Variants in TTC19 observed in about 807,000 individuals in gnomAD.
The protein encoded by TTC19 is tetratricopeptide repeat domain 19.
Under a neutral mutation model 49.5 loss-of-function variants are expected in TTC19, and 38 were observed. That is an observed-to-expected ratio of 0.77 (90% CI 0.59 to 1.01). The LOEUF is 1.01. Ranked by LOEUF, TTC19 falls within the 50% of genes least tolerant of loss-of-function variation. The pLI, the probability that TTC19 is intolerant of heterozygous loss-of-function variation, is 0.00. For missense variants in TTC19, 475 were observed against 477.7 expected (o/e 0.99, Z 0.05); for synonymous variants, 204 against 185.2 (o/e 1.10, Z -0.83).
At chr17:16,038,625 C>T (rs2056925098) in intron 2 of TTC19, among the ~76,000 whole-genome samples, 1 of 151,908 alleles carries the variant, frequency 6.6e-6, no homozygotes, top group African/African-American at 2.4e-5. Flanking sequence ...TTTGTAGAGA[C>T]GGGGTTTTCA....
At chr17:16,004,288 A>G (rs781575925) in intron 6 of TTC19, 26 bp downstream of exon 6, 9 of 1,608,090 alleles carry the variant, frequency 5.6e-6, no homozygotes, top group African/African-American at 5.3e-5. Context: ...AGGGAGTAGG[A>G]CTGTGGGCAG....
intron 7 of TTC19, among the ~76,000 whole-genome samples, chr17:16,018,367 T>TA (rs1028642484): frequency 3.3e-5 from 5 of 152,198 alleles, no homozygotes; most frequent in African/African-American, 1.2e-4. Context: ...CATTTACCTG[T>TA]ATGTTGACCT....
At position 16,002,862 on chromosome 17, in the gene TTC19, T is replaced by G. The variant is rs747640136; in HGVS notation, c.462+31T>G. The G allele has an allele frequency of 8.1e-6, 13 of 1,605,588 alleles. No individual in the cohort carries two copies. The African/African-American group carries it at 1.5e-4, about 18-fold the overall frequency. On this transcript the variant is annotated intron_variant, in intron 4 of 9. Coordinates refer to ENST00000261647, the MANE Select transcript of TTC19 (RefSeq NM_017775.4). ...TAAATTGCTTTGTAATATCTTGAAT[T>G]TATGAAGGAGTAGCTTCAAGGGAAC...
chr17:16,018,781 T>TA (rs1341712033), intron 7 of TTC19, among the ~76,000 whole-genome samples: 2 of 152,218 alleles, frequency 1.3e-5, no homozygotes, highest in Non-Finnish European at 2.9e-5. Context: ...ATGCTGGCAT[T>TA]ACAGGCATGA....
downstream of TTC19, chr17:16,030,484 C>T: frequency 4.9e-6 from 1 of 202,220 alleles, no homozygotes; most frequent in African/African-American, 2.3e-5. Context: ...TAAAATATTA[C>T]CAGTACCTGA....
chr17:16,033,920 C>G (rs768715204), downstream of TTC19, among the ~76,000 whole-genome samples: 9 of 151,700 alleles, frequency 5.9e-5, no homozygotes, highest in Non-Finnish European at 1.2e-4. Context: ...ATTCTCCCAC[C>G]TCTGACCTCA....
intron 7 of TTC19, among the ~76,000 whole-genome samples, chr17:16,016,400 CAT>C (rs1356569253): frequency 6.6e-6 from 1 of 152,178 alleles, no homozygotes; most frequent in African/African-American, 2.4e-5. Flanking sequence ...TATGGCCTCA[CAT>C]ATGGCTTATC....
chr17:16,030,451 C>A, downstream of TTC19: 2 of 205,872 alleles, frequency 9.7e-6, no homozygotes, highest in Non-Finnish European at 2.0e-5. Flanking sequence ...GGTAGGTTGG[C>A]AATATAAATT....
At chr17:16,039,894 G>A (rs1462221630) in intron 2 of TTC19, 6 of 454,196 alleles carry the variant, frequency 1.3e-5, no homozygotes, top group East Asian at 9.0e-5. Context: ...AGATTCAAGG[G>A]ATTCTCCTAC....
intron 7 of TTC19, among the ~76,000 whole-genome samples, chr17:16,014,994 G>A (rs1054930905): frequency 5.9e-5 from 9 of 152,074 alleles, no homozygotes; most frequent in African/African-American, 1.9e-4. Flanking sequence ...GTGTAGTGCT[G>A]GATAATATTT....
intron 7 of TTC19, among the ~76,000 whole-genome samples, chr17:16,015,551 C>A (rs1971190842): frequency 6.6e-6 from 1 of 151,876 alleles, no homozygotes; most frequent in African/African-American, 2.4e-5. Context: ...TCCTCCTTTC[C>A]TTGAAAGTTT....
Position 16,028,559 on chromosome 17 carries a change from A to G in TTC19, c.*1037A>G, listed in dbSNP as rs1209959893. 6.6e-6 allele frequency: 3 copies of G among 453,942 alleles called. No homozygotes were observed. Among genetic ancestry groups the G allele is most frequent in the South Asian group, 4.7e-5 (3 of 64,476 alleles). The allele number at this position is 453,942 out of a possible 1,614,324, so 28.1% of individuals were successfully genotyped here. A position where few individuals can be genotyped will look rare whatever the true frequency, so the allele number is the denominator to read the frequency against. ...TGAAAGAGCTTTATCACACTGTCTC[A>G]AAGTATGTAAAGATACATAGGTGGA... On this transcript the variant is annotated 3_prime_UTR_variant, in exon 10 of 10. Coordinates refer to ENST00000261647, the MANE Select transcript of TTC19 (RefSeq NM_017775.4).
chr17:16,007,389 CACAG>C (rs1415082923), intron 7 of TTC19, among the ~76,000 whole-genome samples: 3 of 152,180 alleles, frequency 2.0e-5, no homozygotes, highest in East Asian at 1.9e-4. Context: ...TTAACAGTGT[CACAG>C]ACAGGAGATT....
At chr17:16,023,899 T>C (rs1419197662) in intron 7 of TTC19, 1 of 152,214 alleles carries the variant, frequency 6.6e-6, no homozygotes. Context: ...ACTGAAGACA[T>C]AGAAGGGAAC....
chr17:16,025,234 AATGTC>A (rs1461377253), intron 8 of TTC19, 63 bp downstream of exon 8: 46 of 1,521,002 alleles, frequency 3.0e-5, no homozygotes, highest in Non-Finnish European at 4.1e-5. Context: ...AAGGGTGTGA[AATGTC>A]ACACTCATTG....
downstream of TTC19, among the ~76,000 whole-genome samples, chr17:16,033,355 A>C (rs915097323): frequency 1.3e-5 from 2 of 150,716 alleles, no homozygotes; most frequent in Non-Finnish European, 3.0e-5. Context: ...AAAAAAAAAA[A>C]CCCAAAAACA....
intron 7 of TTC19, among the ~76,000 whole-genome samples, chr17:16,016,552 ATTTTTTTTTTTT>A (rs769994419): frequency 4.3e-5 from 4 of 94,082 alleles, no homozygotes; most frequent in East Asian, 2.9e-4. Flanking sequence ...AGTTGTTCTA[ATTTTTTTTTTTT>A]TTTTTTTTTT....
chr17:16,036,916 C>T (rs2056505494), intron 2 of TTC19, among the ~76,000 whole-genome samples: 1 of 152,232 alleles, frequency 6.6e-6, no homozygotes, highest in African/African-American at 2.4e-5. Context: ...TTTGCATTCA[C>T]AATTTGGCTA....
chr17:16,025,944 C>G (rs1039323761), intron 8 of TTC19, among the ~76,000 whole-genome samples: 2 of 152,098 alleles, frequency 1.3e-5, no homozygotes, highest in Non-Finnish European at 2.9e-5. Flanking sequence ...AATAAACAAG[C>G]AAGTACAGAA....
Sources: allele counts gnomAD v4.1 joint callset (sites outside exome capture counted in the v4.1 genomes callset), GRCh38; gene constraint gnomAD v4.1.1; transcripts MANE v1.5; gene names NCBI Gene and HGNC (gene_info 2026-07-23, HGNC 2026-07-21).